CSMD1: variants seen among roughly 807,000 people sequenced by gnomAD.
CSMD1 encodes the protein CUB and Sushi multiple domains 1.
In CSMD1, 213 loss-of-function variants were observed where a neutral mutation model predicts 417.5. The observed-to-expected ratio is 0.51, with a 90% CI of 0.46 to 0.57. CSMD1 has a LOEUF of 0.57. Ranked by LOEUF, CSMD1 falls within the 20% of genes least tolerant of loss-of-function variation. The pLI is 0.00. For missense variants in CSMD1, 6,923 were observed against 4,529.7 expected (o/e 1.53, Z -15.17); for synonymous variants, 2,862 against 1,736.8 (o/e 1.65, Z -16.11).
intron 5 of CSMD1, among the ~76,000 whole-genome samples, chr8:3,964,243 T>C (rs887810981): frequency 6.6e-6 from 1 of 152,244 alleles, no homozygotes; most frequent in African/African-American, 2.4e-5. Context: ...ATTATACTTT[T>C]TGTGGCTATC....
At chr8:4,638,351 G>A (rs188470200) in intron 1 of CSMD1, among the ~76,000 whole-genome samples, 1 of 152,158 alleles carries the variant, frequency 6.6e-6, no homozygotes. Context: ...AGGTCAATAC[G>A]CCAGTGATTG....
chr8:4,471,432 G>A (rs562006200), intron 2 of CSMD1, among the ~76,000 whole-genome samples: 14 of 152,192 alleles, frequency 9.2e-5, no homozygotes, highest in African/African-American at 3.4e-4. Flanking sequence ...AGTGCAGCAC[G>A]TAGCTGTCAG....
intron 2 of CSMD1, among the ~76,000 whole-genome samples, chr8:4,571,115 T>C (rs560252595): frequency 6.6e-6 from 1 of 152,304 alleles, no homozygotes; most frequent in South Asian, 2.1e-4. Flanking sequence ...ACTGAGGTTT[T>C]GAAGGGATTT....
intron 5 of CSMD1, among the ~76,000 whole-genome samples, chr8:3,881,794 C>G (rs1200490197): frequency 6.6e-6 from 1 of 151,994 alleles, no homozygotes; most frequent in African/African-American, 2.4e-5. Flanking sequence ...CAAGGAAAGA[C>G]AGCTAAGCAA....
chr8:3,297,945 C>G (rs904197680), intron 25 of CSMD1, among the ~76,000 whole-genome samples: 2 of 152,124 alleles, frequency 1.3e-5, no homozygotes, highest in Admixed American at 6.5e-5. Flanking sequence ...AAGGCTTCAA[C>G]TGGCAATTAG....
At chr8:4,636,868 G>C (rs999207556) in intron 2 of CSMD1, among the ~76,000 whole-genome samples, 1 of 152,128 alleles carries the variant, frequency 6.6e-6, no homozygotes, top group Non-Finnish European at 1.5e-5. Context: ...TGTCTTACAA[G>C]AGGATTGTAA....
chr8:3,643,402 A>G (rs1417207054), intron 7 of CSMD1, among the ~76,000 whole-genome samples: 1 of 152,114 alleles, frequency 6.6e-6, no homozygotes, highest in Non-Finnish European at 1.5e-5. Context: ...TGAGTGCCTT[A>G]TCAGAAATGC....
intron 25 of CSMD1, among the ~76,000 whole-genome samples, chr8:3,291,416 T>C (rs1181372126): frequency 6.6e-6 from 1 of 152,204 alleles, no homozygotes; most frequent in East Asian, 1.9e-4. Context: ...AGCTCCTTTT[T>C]GTACCTCTGG....
intron 2 of CSMD1, among the ~76,000 whole-genome samples, chr8:4,576,405 T>G (rs1220818916): frequency 1.3e-5 from 2 of 152,248 alleles, no homozygotes; most frequent in Non-Finnish European, 2.9e-5. Context: ...TTCCCCAGAC[T>G]AGATTACCTC....
chr8:3,911,927 A>G (rs1196855697), intron 5 of CSMD1, among the ~76,000 whole-genome samples: 1 of 152,140 alleles, frequency 6.6e-6, no homozygotes, highest in Admixed American at 6.5e-5. Context: ...ATTCTCCTCT[A>G]TGTGTTTTCC....
intron 5 of CSMD1, among the ~76,000 whole-genome samples, chr8:3,844,129 T>G (rs543216792): frequency 6.6e-6 from 1 of 152,304 alleles, no homozygotes; most frequent in African/African-American, 2.4e-5. Context: ...ATAAGAATAG[T>G]ACTTTAAAAA....
chr8:4,759,801 C>G lies in CSMD1; in HGVS notation c.86-122243G>C, dbSNP rs115852078. Among the ~76,000 whole-genome samples, 912 of 152,244 alleles carry G rather than the reference C, an allele frequency of 6.0e-3. 8 individuals carry two copies. Among genetic ancestry groups the G allele is most frequent in the African/African-American group, 0.021 (881 of 41,538 alleles). On this transcript the variant is annotated intron_variant, in intron 1 of 69. Transcript: ENST00000635120. Reference sequence around the variant, plus strand: ...AGTACATATGTACCAGTTTCTTTATCCAGTGTGTCACTGATGGACATTTGG... The same window carrying G: ...AGTACATATGTACCAGTTTCTTTATGCAGTGTGTCACTGATGGACATTTGG...
chr8:4,116,428 G>A (rs768830652), intron 3 of CSMD1, among the ~76,000 whole-genome samples: 1 of 151,722 alleles, frequency 6.6e-6, no homozygotes, highest in African/African-American at 2.4e-5. Flanking sequence ...GTACACATCA[G>A]ATGGCGACGT....
rs1258065104 is a variant in CSMD1 at position 4,267,855 on chromosome 8, C to T, written c.415+152098G>A. On this transcript the variant is annotated intron_variant, in intron 3 of 69. Transcript: ENST00000635120. The stretch of plus-strand genomic sequence containing the variant: ...TATATAATTTAGCTTGAATTATTGT[C>T]ATAGCCATATACTTGTGATTAAATT... Among the ~76,000 whole-genome samples, 3 of 152,066 alleles carry T rather than the reference C, an allele frequency of 2.0e-5. No homozygotes were observed. The East Asian group carries it at 5.8e-4, about 29-fold the overall frequency.
intron 2 of CSMD1, among the ~76,000 whole-genome samples, chr8:4,469,340 T>G (rs528499712): frequency 6.6e-6 from 1 of 152,344 alleles, no homozygotes; most frequent in African/African-American, 2.4e-5. Flanking sequence ...TGAAAAGTCT[T>G]GTTATTTTAC....
rs755585802 is a variant in CSMD1, at chr8:3,406,014, G to A, written c.2266+13C>T. 5 of 1,610,418 alleles carry A rather than the reference G, an allele frequency of 3.1e-6. No homozygotes were observed. The African/African-American group carries it at 5.3e-5, about 17-fold the overall frequency. On this transcript the variant is annotated intron_variant, in intron 15 of 69. Transcript: ENST00000635120. Reference sequence around the variant, plus strand: ...TTTCAAAGGAGAAGAGCGGGGGGTGGCAGGGACTGCACCTTCACAGCGGGG... The same window carrying A: ...TTTCAAAGGAGAAGAGCGGGGGGTGACAGGGACTGCACCTTCACAGCGGGG...
At chr8:4,825,098 C>G (rs1158788033) in intron 1 of CSMD1, among the ~76,000 whole-genome samples, 5 of 152,100 alleles carry the variant, frequency 3.3e-5, no homozygotes, top group Non-Finnish European at 7.4e-5. Flanking sequence ...ACATTTATAA[C>G]TTGATGAACA....
In CSMD1 at chr8:4,091,885, A is replaced by T. The variant is rs77329038; in HGVS notation, c.416-59786T>A. Among the ~76,000 whole-genome samples, 157 of 152,342 alleles carry T rather than the reference A, an allele frequency of 1.0e-3. 2 individuals carry two copies. The East Asian group carries it at 0.027, about 26-fold the overall frequency. On this transcript the variant is annotated intron_variant, in intron 3 of 69. Coordinates refer to ENST00000635120, the MANE Select transcript of CSMD1 (RefSeq NM_033225.6). ...TAACAAAATTAGACTCCGCATTGTA[A>T]GAACCGTACAGAGTTTTAAATAGTC...
intron 3 of CSMD1, among the ~76,000 whole-genome samples, chr8:4,117,182 C>A (rs992428618): frequency 6.6e-6 from 1 of 151,948 alleles, no homozygotes. Flanking sequence ...TATTATTCAT[C>A]TCGATGGTTG....
Sources: allele counts gnomAD v4.1 joint callset (sites outside exome capture counted in the v4.1 genomes callset), GRCh38; gene constraint gnomAD v4.1.1; transcripts MANE v1.5; gene names NCBI Gene and HGNC (gene_info 2026-07-23, HGNC 2026-07-21).